The following PCNT variants were observed in gnomAD, a reference collection of about 807,000 sequenced individuals.
PCNT encodes pericentrin.
In PCNT, 319 loss-of-function variants were observed where a neutral mutation model predicts 380.4. The observed-to-expected ratio is 0.84, with a 90% CI of 0.77 to 0.92. PCNT has a LOEUF of 0.92. PCNT is among the 40% of genes least tolerant of loss of function. The pLI is 0.00. For synonymous variants in PCNT, 1,845 were observed against 1,735.2 expected (o/e 1.06, Z -1.57); for missense variants, 4,400 against 4,255.3 (o/e 1.03, Z -0.95).
At chr21:46,414,885 C>T (rs560862521) in intron 29 of PCNT, among the ~76,000 whole-genome samples, 1 of 152,170 alleles carries the variant, frequency 6.6e-6, no homozygotes, top group South Asian at 2.1e-4. Context: ...CACAGCCACC[C>T]ACCCTGCTCT....
intron 21 of PCNT, among the ~76,000 whole-genome samples, chr21:46,391,926 T>G (rs1056869249): frequency 2.0e-5 from 3 of 152,316 alleles, no homozygotes; most frequent in African/African-American, 7.2e-5. Context: ...ATTGCATTCG[T>G]GCATCTCAGG....
At chr21:46,386,282 C>G (rs536588841) in intron 17 of PCNT, among the ~76,000 whole-genome samples, 1 of 152,234 alleles carries the variant, frequency 6.6e-6, no homozygotes, top group Non-Finnish European at 1.5e-5. Context: ...ACACAGAGCC[C>G]GACCCCTCCC....
intron 14 of PCNT, among the ~76,000 whole-genome samples, chr21:46,364,933 C>T (rs1238915101): frequency 1.3e-5 from 2 of 152,236 alleles, no homozygotes; most frequent in Non-Finnish European, 2.9e-5. Flanking sequence ...GTGCCTGTGC[C>T]TCTTGCCATC....
Position 46,425,761 on chromosome 21 carries a change from C to A in PCNT, c.7180-70C>A. 3 of 1,605,864 alleles carry A rather than the reference C, an allele frequency of 1.9e-6. No individual in the cohort carries two copies. The highest frequency in any genetic ancestry group is 1.1e-5 in the South Asian group (1 of 90,856). ...CAGAGTCCTGGCGGCAGCTCGGGGC[C>A]GCAGGTGGTGTAGAGCGTGGCTGTG... On this transcript the variant is annotated intron_variant, in intron 32 of 46. Coordinates refer to ENST00000359568, the MANE Select transcript of PCNT (RefSeq NM_006031.6). The surrounding 1 kb of genome is among the most constrained non-coding windows in gnomAD (Gnocchi z 4.2).
intron 9 of PCNT, among the ~76,000 whole-genome samples, chr21:46,352,159 G>A (rs1175257266): frequency 1.3e-5 from 2 of 152,246 alleles, no homozygotes; most frequent in Non-Finnish European, 2.9e-5. Context: ...GAGCCACTGC[G>A]TGTCTCCTGG....
chr21:46,370,992 GC>G (rs961875326), intron 15 of PCNT, among the ~76,000 whole-genome samples: 17 of 152,080 alleles, frequency 1.1e-4, no homozygotes, highest in Non-Finnish European at 2.4e-4. Flanking sequence ...CTGAGATCGC[GC>G]CATTGCCCTC....
At chr21:46,367,686 T>G (rs756210902) in intron 15 of PCNT, among the ~76,000 whole-genome samples, 3 of 152,158 alleles carry the variant, frequency 2.0e-5, no homozygotes, top group Non-Finnish European at 4.4e-5. Flanking sequence ...CTCGTACGTA[T>G]GTGGGAGGGC....
At position 46,385,815 on chromosome 21, in the gene PCNT, A is replaced by G; in HGVS notation, c.3313-17A>G. On this transcript the variant is annotated splice_polypyrimidine_tract_variant and intron_variant, in intron 16 of 46. Transcript: ENST00000359568. ...CCAAATTGTTTTAACGAAAGCTTTA[A>G]CCATTTTTCTCGATAGCTGAAAGAC... 6.2e-7 allele frequency: 1 copy of G among 1,614,098 alleles called. No individual in the cohort carries two copies. Among genetic ancestry groups the G allele is most frequent in the Non-Finnish European group, 8.5e-7 (1 of 1,179,916 alleles).
intron 15 of PCNT, among the ~76,000 whole-genome samples, chr21:46,375,206 T>C (rs994828076): frequency 7.9e-5 from 12 of 152,166 alleles, no homozygotes; most frequent in African/African-American, 2.9e-4. Flanking sequence ...CAGAGCTGAG[T>C]GCAGAAGTGA....
At chr21:46,435,585 C>G (rs1189409046) in intron 38 of PCNT, among the ~76,000 whole-genome samples, 1 of 151,598 alleles carries the variant, frequency 6.6e-6, no homozygotes, top group African/African-American at 2.4e-5. Flanking sequence ...CTCTGTTGTC[C>G]AGGCTGAAGT....
intron 29 of PCNT, among the ~76,000 whole-genome samples, chr21:46,414,138 T>C (rs2086914475): frequency 6.6e-6 from 1 of 152,098 alleles, no homozygotes; most frequent in South Asian, 2.1e-4. Flanking sequence ...ACTGCAGGCA[T>C]GCGCCACCAC....
Position 46,445,543 on chromosome 21 carries a change from A to T in PCNT, c.*216A>T. The T allele has an allele frequency of 1.7e-6, 1 of 593,236 alleles. No homozygotes were observed. Among genetic ancestry groups the T allele is most frequent in the African/African-American group, 1.9e-5 (1 of 53,846 alleles). The allele number at this position is 593,236 out of a possible 1,614,324, so 36.7% of individuals were successfully genotyped here. On this transcript the variant is annotated 3_prime_UTR_variant, in exon 47 of 47. Coordinates refer to ENST00000359568, the MANE Select transcript of PCNT (RefSeq NM_006031.6). Reference sequence around the variant, plus strand: ...TGGAGCCTCCGTATGTTTTAGGCCCATGACCTTCGTGAGGTGACGGGCACT... The same window carrying T: ...TGGAGCCTCCGTATGTTTTAGGCCCTTGACCTTCGTGAGGTGACGGGCACT...
At chr21:46,397,158 T>G in intron 21 of PCNT, 107 bp from the exon 22 acceptor site, 1 of 897,852 alleles carries the variant, frequency 1.1e-6, no homozygotes, top group Non-Finnish European at 1.8e-6. Context: ...TGAAGTGACT[T>G]CATTTTCGGT....
At chr21:46,405,226 C>T (rs915003079) in intron 27 of PCNT, among the ~76,000 whole-genome samples, 1 of 152,146 alleles carries the variant, frequency 6.6e-6, no homozygotes, top group Non-Finnish European at 1.5e-5. Flanking sequence ...GAACAGGACC[C>T]TGCCTAAAAA....
At chr21:46,414,580 G>C (rs1293948633) in intron 29 of PCNT, among the ~76,000 whole-genome samples, 1 of 113,562 alleles carries the variant, frequency 8.8e-6, no homozygotes, top group African/African-American at 3.5e-5. Context: ...CCTCCTCCTG[G>C]ACACGCAGCC....
chr21:46,345,242 G>A (rs2146528744), intron 3 of PCNT, among the ~76,000 whole-genome samples: 1 of 152,144 alleles, frequency 6.6e-6, no homozygotes, highest in South Asian at 2.1e-4. Flanking sequence ...TTTTGAGGTG[G>A]AGTCTCGCTC....
At chr21:46,371,814 G>A (rs934707949) in intron 15 of PCNT, among the ~76,000 whole-genome samples, 2 of 149,840 alleles carry the variant, frequency 1.3e-5, no homozygotes, top group African/African-American at 2.5e-5. Flanking sequence ...CACAGCACAT[G>A]CACACACACA....
rs1407247684 is a variant in PCNT, at chr21:46,411,641, C to T, written c.5568C>T (p.Ile1856=). 1.2e-6 allele frequency: 2 copies of T among 1,612,950 alleles called. No individual in the cohort carries two copies. The highest frequency in any genetic ancestry group is 3.3e-5 in the Admixed American group (2 of 60,006). The change falls in exon 28 of 47, where the codon ATC becomes ATT. Residue 1856 remains isoleucine (I), a synonymous_variant. Coordinates refer to ENST00000359568, the MANE Select transcript of PCNT (RefSeq NM_006031.6). The part of the protein sequence containing the change: ...EAEVEDMASR[I]QEFEAALKAK... ...AGGTCGAAGACATGGCCTCCCGGAT[C>T]CAGGAGTTCGAAGCGGCCCTGAAAG...
In PCNT at chr21:46,388,352, GA is replaced by G. The variant is rs1363231631; in HGVS notation, c.3465-387del. Among the ~76,000 whole-genome samples the G allele has an allele frequency of 3.3e-5, 5 of 152,226 alleles. No homozygotes were observed. The highest frequency in any genetic ancestry group is 1.2e-4 in the African/African-American group (5 of 41,460). Reference sequence around the variant, plus strand: ...ACTTGGTGTTGGACAGACATCTTGTGAAATGGCTGGCTGGTGCACCCTGTGC... The same window carrying G: ...ACTTGGTGTTGGACAGACATCTTGTGAATGGCTGGCTGGTGCACCCTGTGC... On this transcript the variant is annotated intron_variant, in intron 17 of 46. Transcript: ENST00000359568. This position sits in a 1 kb window ranked among gnomAD's most constrained non-coding sequence, Gnocchi z 4.2.
Sources: allele counts gnomAD v4.1 joint callset (sites outside exome capture counted in the v4.1 genomes callset), GRCh38; gene constraint gnomAD v4.1.1; non-coding constraint Gnocchi (gnomAD v3.1); transcripts MANE v1.5; gene names NCBI Gene and HGNC (gene_info 2026-07-23, HGNC 2026-07-21).